The following KCNQ1 variants were observed in gnomAD, a reference collection of about 807,000 sequenced individuals.
KCNQ1 encodes potassium voltage-gated channel subfamily KQT member 1.
KCNQ1 carries 49 observed loss-of-function variants against 72.4 expected under a neutral mutation model. That is an observed-to-expected ratio of 0.68 (90% CI 0.54 to 0.86). The LOEUF (loss-of-function observed/expected upper bound fraction) is 0.86. Ranked by LOEUF, KCNQ1 falls within the 40% of genes least tolerant of loss-of-function variation. The probability of loss-of-function intolerance (pLI) is 0.00; values close to 1 mark genes in which losing one functional copy is unlikely to be tolerated. For missense variants in KCNQ1, 790 were observed against 945.1 expected (o/e 0.84, Z 2.15); for synonymous variants, 450 against 412.6 (o/e 1.09, Z -1.10).
chr11:2,738,877 C>T (rs1221672858), intron 11 of KCNQ1, among the ~76,000 whole-genome samples: 1 of 152,222 alleles, frequency 6.6e-6, no homozygotes, highest in Admixed American at 6.5e-5. Context: ...TGGCCCCAGG[C>T]CTGCCCTGTT....
At position 2,683,046 on chromosome 11, in the gene KCNQ1, C is replaced by G. The variant is rs1179378786; in HGVS notation, c.1514+20965C>G. ...TGAGAGAGGTGACCTTCTCCCACTT[C>G]TTACAGGCAAGGCTCTTGCTAGCCT... On this transcript the variant is annotated intron_variant, in intron 11 of 15. Transcript: ENST00000155840. This position sits in a 1 kb window ranked among gnomAD's most constrained non-coding sequence, Gnocchi z 4.7. 2.5e-6 allele frequency: 1 copy of G among 398,582 alleles called. No homozygotes were observed. Among genetic ancestry groups the G allele is most frequent in the Non-Finnish European group, 4.4e-6 (1 of 226,134 alleles). The allele number at this position is 398,582 out of a possible 1,614,324, so 24.7% of individuals were successfully genotyped here.
intron 11 of KCNQ1, chr11:2,675,910 A>G (rs1327539822): frequency 2.5e-6 from 1 of 398,700 alleles, no homozygotes; most frequent in African/African-American, 2.0e-5. Context: ...TTGTGCTACA[A>G]AAATCATACA....
intron 10 of KCNQ1, chr11:2,641,837 T>C (rs942938828): frequency 7.5e-6 from 3 of 398,366 alleles, no homozygotes; most frequent in Admixed American, 4.4e-5. Flanking sequence ...AGAAACGGTT[T>C]CATTTTTCAC....
chr11:2,827,448 C>T lies in KCNQ1; in HGVS notation c.1795-20319C>T, dbSNP rs1332883049. Among the ~76,000 whole-genome samples, 1 of 152,098 alleles carries T rather than the reference C, an allele frequency of 6.6e-6. No individual in the cohort carries two copies. Among genetic ancestry groups the T allele is most frequent in the Non-Finnish European group, 1.5e-5 (1 of 68,004 alleles). Reference sequence around the variant, plus strand: ...CCAGCAGCAGGAGGGAGGTAAAAGACATGAAGGACAGGCCCCACTCCTGTA... The same window carrying T: ...CCAGCAGCAGGAGGGAGGTAAAAGATATGAAGGACAGGCCCCACTCCTGTA... On this transcript the variant is annotated intron_variant, in intron 15 of 15. Transcript: ENST00000155840. This position sits in a 1 kb window ranked among gnomAD's most constrained non-coding sequence, Gnocchi z 6.7.
intron 15 of KCNQ1, among the ~76,000 whole-genome samples, chr11:2,835,478 C>G (rs1262836512): frequency 6.6e-6 from 1 of 152,174 alleles, no homozygotes; most frequent in Non-Finnish European, 1.5e-5. Flanking sequence ...CGGCAGAGCT[C>G]TAGACATTTC....
In KCNQ1 at chr11:2,838,704, G is replaced by A. The variant is rs115313822; in HGVS notation, c.1795-9063G>A. Among the ~76,000 whole-genome samples the A allele has an allele frequency of 7.0e-3, 1,064 of 152,262 alleles. 11 individuals are homozygous for A. The highest frequency in any genetic ancestry group is 0.024 in the African/African-American group (1,017 of 41,542). On this transcript the variant is annotated intron_variant, in intron 15 of 15. Transcript: ENST00000155840. The stretch of plus-strand genomic sequence containing the variant: ...AGACCTGGAGCAATGACACGAGAAC[G>A]GCCAGGCAGCCCTGGCTTCCCCTGC...
chr11:2,810,942 C>T (rs915000399), intron 15 of KCNQ1, among the ~76,000 whole-genome samples: 1 of 152,194 alleles, frequency 6.6e-6, no homozygotes, highest in African/African-American at 2.4e-5. Flanking sequence ...ATGCTCAGCC[C>T]CTTCCCATCG....
chr11:2,757,026 A>T (rs1336245630), intron 11 of KCNQ1, among the ~76,000 whole-genome samples: 2 of 150,066 alleles, frequency 1.3e-5, no homozygotes, highest in Non-Finnish European at 3.0e-5. Flanking sequence ...AGAACAGAAT[A>T]CTTTCCCCCT....
chr11:2,847,739 ACT>A (rs1250922302), intron 15 of KCNQ1, 26 bp from the exon 16 acceptor site: 4 of 1,562,802 alleles, frequency 2.6e-6, no homozygotes, highest in African/African-American at 1.4e-5. Context: ...CCCACCACTG[ACT>A]CTCTCGTCTG....
At chr11:2,584,237 T>C (rs1848550376) in intron 7 of KCNQ1, among the ~76,000 whole-genome samples, 1 of 148,712 alleles carries the variant, frequency 6.7e-6, no homozygotes, top group African/African-American at 2.5e-5. Flanking sequence ...TATTTATGTA[T>C]CTGTGTCACA....
At chr11:2,527,210 TG>T (rs1847525521) in intron 1 of KCNQ1, among the ~76,000 whole-genome samples, 1 of 152,046 alleles carries the variant, frequency 6.6e-6, no homozygotes, top group African/African-American at 2.4e-5. Flanking sequence ...CTCGGGGCCT[TG>T]GAAAGGAGGA....
rs1285690265 is a variant in KCNQ1, at chr11:2,608,188, A to G, written c.1393+19334A>G. ...TATTTTTTTGTTGTTGGAAGAGGTC[A>G]TAAAGAATTGATATTCTTTAGATAT... On this transcript the variant is annotated intron_variant, in intron 10 of 15. Coordinates refer to ENST00000155840, the MANE Select transcript of KCNQ1 (RefSeq NM_000218.3). This position sits in a 1 kb window ranked among gnomAD's most constrained non-coding sequence, Gnocchi z 4.6. 3.6e-5 allele frequency: 14 copies of G among 387,106 alleles called. No homozygotes were observed. Among genetic ancestry groups the G allele is most frequent in the East Asian group, 1.8e-4 (5 of 27,498 alleles). The allele number at this position is 387,106 out of a possible 1,614,324, so 24.0% of individuals were successfully genotyped here.
intron 11 of KCNQ1, among the ~76,000 whole-genome samples, chr11:2,716,672 C>T (rs117591077): frequency 0.011 from 1,728 of 152,352 alleles, 55 homozygotes; most frequent in East Asian, 0.088. Flanking sequence ...GGCCCCAAGC[C>T]CCAGAGACTC....
At chr11:2,470,704 TGGG>T (rs113753362) in intron 1 of KCNQ1, among the ~76,000 whole-genome samples, 1 of 89,550 alleles carries the variant, frequency 1.1e-5, no homozygotes, top group South Asian at 4.3e-4. Context: ...CTCAGTTAGG[TGGG>T]GGGGGGGGTG....
intron 1 of KCNQ1, among the ~76,000 whole-genome samples, chr11:2,510,279 TA>T (rs879640895): frequency 0.019 from 2,726 of 144,514 alleles, 79 homozygotes; most frequent in African/African-American, 0.064. Flanking sequence ...ACCCTGTGTC[TA>T]AAAAAAAAAA....
intron 11 of KCNQ1, among the ~76,000 whole-genome samples, chr11:2,732,206 C>T (rs1212694770): frequency 6.6e-6 from 1 of 152,246 alleles, no homozygotes; most frequent in Non-Finnish European, 1.5e-5. Context: ...GAGGACGATG[C>T]TTGGTCTTGC....
At chr11:2,583,758 G>A (rs1318398930) in intron 7 of KCNQ1, among the ~76,000 whole-genome samples, 1 of 152,228 alleles carries the variant, frequency 6.6e-6, no homozygotes, top group Non-Finnish European at 1.5e-5. Flanking sequence ...GTCCTTGCAG[G>A]CAGTGTGGGA....
intron 11 of KCNQ1, among the ~76,000 whole-genome samples, chr11:2,719,117 C>A (rs2283203): frequency 0.012 from 1,858 of 152,260 alleles, 65 homozygotes; most frequent in East Asian, 0.052. Flanking sequence ...CCATCTCCAG[C>A]CGTGTGCTCT....
At chr11:2,732,927 C>G (rs1033326522) in intron 11 of KCNQ1, among the ~76,000 whole-genome samples, 3 of 152,108 alleles carry the variant, frequency 2.0e-5, no homozygotes, top group Non-Finnish European at 4.4e-5. Flanking sequence ...CACCCACCCT[C>G]TGGAGGCCCA....
Sources: gnomAD v4.1 joint callset for allele counts (sites outside exome capture counted in the v4.1 genomes callset) on GRCh38, gnomAD v4.1.1 for gene constraint, Gnocchi (gnomAD v3.1) non-coding constraint, MANE v1.5 for transcripts, NCBI Gene and HGNC (gene_info 2026-07-23, HGNC 2026-07-21) for gene names.